The following E2F3 variants were observed in gnomAD, a reference collection of about 807,000 sequenced individuals.
The protein encoded by E2F3 is E2F transcription factor 3.
In E2F3, 11 loss-of-function variants were observed where a neutral mutation model predicts 44.4. That is an observed-to-expected ratio of 0.25 (90% confidence interval 0.16 to 0.41). E2F3 has a LOEUF of 0.41. Ranked by LOEUF, E2F3 falls within the 10% of genes least tolerant of loss-of-function variation. The pLI is 1.00. For missense variants in E2F3, 487 were observed against 583.6 expected, an observed-to-expected ratio of 0.83 and a Z score of 1.70; for synonymous variants, 249 against 253.0, an observed-to-expected ratio of 0.98 and a Z score of 0.15.
chr6:20,417,588 TA>T (rs11344554), intron 1 of E2F3, among the ~76,000 whole-genome samples: 1,557 of 138,926 alleles, frequency 0.011, 8 homozygotes, highest in African/African-American at 0.023. Context: ...ATAATGGATT[TA>T]AAAAAAAAAA....
At position 20,408,192 on chromosome 6, in the gene E2F3, T is replaced by C. The variant is rs1210348227; in HGVS notation, c.393+5567T>C. On this transcript the variant is annotated intron_variant, in intron 1 of 6. Transcript: ENST00000346618. ...AGCAGTAAATATAGGAAACCACTAA[T>C]AGTGTCTCCTTCTTCCTACCCTGAC... 2.6e-5 allele frequency among the ~76,000 whole-genome samples: 4 copies of C among 152,232 alleles called. No homozygotes were observed. In the East Asian group the frequency reaches 7.7e-4, roughly 29 times the overall value.
Position 20,490,203 on chromosome 6 carries a change from T to A in E2F3, c.1171T>A (p.Ser391Thr). The change falls in exon 7 of 7, where the codon TCA (serine) becomes ACA (threonine). Residue 391 changes from serine (S) to threonine (T), a missense_variant. Physicochemically the swap from Ser to Thr is moderately conservative, Grantham distance 58 (BLOSUM62 1). Transcript: ENST00000346618. The surrounding 1 kb of genome is among the most constrained non-coding windows in gnomAD (Gnocchi z 4.3). ...ASTNSGHSDCSVSMGNLSPLA... is the reference protein window; with the variant it reads ...ASTNSGHSDCTVSMGNLSPLA... ...AACCAACTCAGGACATAGCGATTGC[T>A]CAGTTTCTATGGGAAACCTTTCTCC... The A allele has an allele frequency of 6.2e-7, 1 of 1,613,858 alleles. No individual in the cohort carries two copies.
intron 1 of E2F3, among the ~76,000 whole-genome samples, chr6:20,437,024 G>A (rs1760609366): frequency 6.6e-6 from 1 of 152,190 alleles, no homozygotes; most frequent in African/African-American, 2.4e-5. Flanking sequence ...GGAGGCTGAA[G>A]TATGAGGATC....
At chr6:20,479,256 T>G (rs1317796770) in intron 1 of E2F3, among the ~76,000 whole-genome samples, 1 of 152,132 alleles carries the variant, frequency 6.6e-6, no homozygotes. Context: ...ATACAGTATA[T>G]AGAGAGAGTG....
At chr6:20,412,778 T>C (rs1759717988) in intron 1 of E2F3, among the ~76,000 whole-genome samples, 2 of 152,214 alleles carry the variant, frequency 1.3e-5, no homozygotes, top group Non-Finnish European at 2.9e-5. Flanking sequence ...GCCAGAAATC[T>C]ACCAGTTTTA....
chr6:20,456,685 T>C (rs964964310), intron 1 of E2F3, among the ~76,000 whole-genome samples: 2 of 152,242 alleles, frequency 1.3e-5, no homozygotes, highest in Non-Finnish European at 2.9e-5. Flanking sequence ...AGAAAAGTAT[T>C]GAGGGCTTTT....
In E2F3 at chr6:20,493,565, AAAC is replaced by A. The variant is rs1449973292; in HGVS notation, c.*3138_*3140del. The A allele has an allele frequency of 2.0e-3, 413 of 204,038 alleles. 1 individual carries two copies. Among genetic ancestry groups the A allele is most frequent in the East Asian group, 9.2e-3 (114 of 12,346 alleles). The allele number at this position is 204,038 out of a possible 1,614,324, so 12.6% of individuals were successfully genotyped here. ...AAAATATGTAATATAATGTAAAAAA[AAAC>A]AAAAAAAAGCTTTTATGATGGATTT... is the stretch of plus-strand genomic sequence containing the variant. On this transcript the variant is annotated 3_prime_UTR_variant, in exon 7 of 7. Transcript: ENST00000346618.
At chr6:20,486,333 C>T (rs910855560) in intron 4 of E2F3, among the ~76,000 whole-genome samples, 5 of 152,156 alleles carry the variant, frequency 3.3e-5, no homozygotes, top group East Asian at 1.9e-4. Context: ...AGTGCAGTGG[C>T]GCGATCTCGT....
intron 1 of E2F3, among the ~76,000 whole-genome samples, chr6:20,442,642 G>T (rs1227056415): frequency 6.6e-6 from 1 of 152,176 alleles, no homozygotes; most frequent in Admixed American, 6.6e-5. Flanking sequence ...AAAGCATTTA[G>T]AGGACAGTTA....
At chr6:20,462,879 T>C (rs1465218505) in intron 1 of E2F3, among the ~76,000 whole-genome samples, 1 of 113,122 alleles carries the variant, frequency 8.8e-6, no homozygotes. Flanking sequence ...TTTTTTTTTT[T>C]TTTTTTTTTT....
At chr6:20,424,243 GTGTGTGT>G (rs1760130115) in intron 1 of E2F3, among the ~76,000 whole-genome samples, 1 of 150,716 alleles carries the variant, frequency 6.6e-6, no homozygotes, top group African/African-American at 2.5e-5. Flanking sequence ...GTGTGTGTGT[GTGTGTGT>G]TTTAAAGGTG....
chr6:20,470,078 C>T (rs1581639660), intron 1 of E2F3, among the ~76,000 whole-genome samples: 3 of 152,174 alleles, frequency 2.0e-5, no homozygotes, highest in Admixed American at 2.0e-4. Flanking sequence ...TTTTCAAAAT[C>T]TCTGCTTCTG....
intron 1 of E2F3, among the ~76,000 whole-genome samples, chr6:20,466,109 T>C (rs1405946982): frequency 2.9e-5 from 4 of 139,558 alleles, no homozygotes; most frequent in African/African-American, 1.0e-4. Flanking sequence ...CAACATGTTT[T>C]TGGGGTGCGG....
rs769609186 is a variant in E2F3, at chr6:20,402,567, T to A, written c.335T>A (p.Leu112Gln). ...CACGGACCCTCCAGCAGAGCCGGGC[T>A]GCTGCAGCAGCCACCAGCGCTGGGA... is the stretch of plus-strand genomic sequence containing the variant. Reference protein sequence around the residue: ...TPHGPSSRAGLLQQPPALGRG... With the variant: ...TPHGPSSRAGQLQQPPALGRG... Residue 112 changes from leucine (L) to glutamine (Q), a missense_variant, in exon 1 of 7, where the codon CTG (leucine) becomes CAG (glutamine). Physicochemically the swap from Leu to Gln is moderately radical, Grantham distance 113. Around this residue, in one of 3 missense-constraint regions of E2F3, gnomAD observed 238 missense variants for 236.0 expected, o/e 1.01. Coordinates refer to ENST00000346618, the MANE Select transcript of E2F3 (RefSeq NM_001949.5). This position sits in a 1 kb window ranked among gnomAD's most constrained non-coding sequence, Gnocchi z 5.6. 1 of 1,541,922 alleles carries A rather than the reference T, an allele frequency of 6.5e-7. No individual in the cohort carries two copies. Among genetic ancestry groups the A allele is most frequent in the South Asian group, 1.2e-5 (1 of 85,292 alleles).
At chr6:20,430,454 G>C (rs995557796) in intron 1 of E2F3, among the ~76,000 whole-genome samples, 1 of 152,082 alleles carries the variant, frequency 6.6e-6, no homozygotes, top group Non-Finnish European at 1.5e-5. Context: ...ATAGTTATTT[G>C]CCAAAGAGAA....
At chr6:20,466,180 T>C (rs898720555) in intron 1 of E2F3, among the ~76,000 whole-genome samples, 1 of 152,084 alleles carries the variant, frequency 6.6e-6, no homozygotes, top group Non-Finnish European at 1.5e-5. Context: ...TGTCGTGATG[T>C]CAGCTCACTG....
At chr6:20,466,032 C>T (rs1761692774) in intron 1 of E2F3, among the ~76,000 whole-genome samples, 1 of 151,892 alleles carries the variant, frequency 6.6e-6, no homozygotes, top group Non-Finnish European at 1.5e-5. Context: ...ACACTGTTTT[C>T]CATAGGGGTT....
chr6:20,439,266 A>G (rs116150921), intron 1 of E2F3, among the ~76,000 whole-genome samples: 1,676 of 152,356 alleles, frequency 0.011, 31 homozygotes, highest in African/African-American at 0.038. Flanking sequence ...GGAAAGAACA[A>G]CTTTGTCAAT....
At chr6:20,403,942 G>C (rs1759402323) in intron 1 of E2F3, 6 of 593,562 alleles carry the variant, frequency 1.0e-5, no homozygotes, top group South Asian at 2.3e-5. Flanking sequence ...GAGTGGGAAC[G>C]GGGGGTTGGG....
Sources: allele counts gnomAD v4.1 joint callset (sites outside exome capture counted in the v4.1 genomes callset), GRCh38; gene constraint gnomAD v4.1.1; regional missense constraint gnomAD v4.1.1; non-coding constraint Gnocchi (gnomAD v3.1); transcripts MANE v1.5; gene names NCBI Gene and HGNC (gene_info 2026-07-23, HGNC 2026-07-21).